Variants in COP1 observed in about 807,000 individuals in gnomAD.
COP1 encodes COP1 E3 ubiquitin ligase, also known as E3 ubiquitin-protein ligase COP1.
COP1 carries 24 observed loss-of-function variants against 101.3 expected under a neutral mutation model. The ratio of observed to expected loss-of-function variants is 0.24; its 90% CI spans 0.17 to 0.33. COP1 has a LOEUF of 0.33. Ranked by LOEUF, COP1 falls within the 10% of genes least tolerant of loss-of-function variation. The pLI, the probability that COP1 is intolerant of heterozygous loss-of-function variation, is 1.00. For synonymous variants in COP1, 347 were observed against 341.9 expected (o/e 1.01, Z -0.17); for missense variants, 663 against 906.2 (o/e 0.73, Z 3.45).
chr1:175,986,148 T>C (rs1388681507), intron 18 of COP1, among the ~76,000 whole-genome samples: 2 of 152,050 alleles, frequency 1.3e-5, no homozygotes, highest in African/African-American at 4.8e-5. Context: ...GCCTCCCGAG[T>C]AGCTGGGACT....
intron 11 of COP1, among the ~76,000 whole-genome samples, chr1:176,071,794 C>A (rs527869151): frequency 2.2e-4 from 33 of 152,244 alleles, no homozygotes; most frequent in South Asian, 4.1e-4. Context: ...TGGTTTGTGA[C>A]AAACCTTCAC....
At chr1:176,041,200 T>C (rs759048976) in intron 14 of COP1, among the ~76,000 whole-genome samples, 6 of 152,154 alleles carry the variant, frequency 3.9e-5, no homozygotes, top group Non-Finnish European at 7.4e-5. Context: ...TATATCTATC[T>C]AAAGGACTTG....
At chr1:176,199,312 C>T (rs1026093404) in intron 1 of COP1, among the ~76,000 whole-genome samples, 11 of 151,938 alleles carry the variant, frequency 7.2e-5, no homozygotes, top group African/African-American at 2.2e-4. Flanking sequence ...ATGAGACTCC[C>T]ATCTCAAAAA....
chr1:175,990,906 A>ATT (rs58801318), intron 15 of COP1, among the ~76,000 whole-genome samples: 22 of 146,066 alleles, frequency 1.5e-4, no homozygotes, highest in Admixed American at 3.4e-4. Context: ...CTGGATTCTA[A>ATT]TTTTTTTTTT....
At position 175,992,106 on chromosome 1, in the gene COP1, G is replaced by A. The variant is rs866011996; in HGVS notation, c.1730-2627C>T. The stretch of plus-strand genomic sequence containing the variant: ...TAATTTTTTTTGAGTATTATAGTTG[G>A]TATATACACTTATGTGGAATATGAG... On this transcript the variant is annotated intron_variant, in intron 15 of 19. Coordinates refer to ENST00000367669, the MANE Select transcript of COP1 (RefSeq NM_022457.7). Among the ~76,000 whole-genome samples the A allele has an allele frequency of 2.0e-5, 3 of 152,220 alleles. 1 individual carries two copies. In the Middle Eastern group the frequency reaches 0.01, roughly 521 times the overall value.
chr1:176,160,021 CAG>C, intron 5 of COP1, among the ~76,000 whole-genome samples: 1 of 152,172 alleles, frequency 6.6e-6, no homozygotes, highest in South Asian at 2.1e-4. Context: ...AAAAGTAAAA[CAG>C]AAAGCAATAA....
intron 8 of COP1, among the ~76,000 whole-genome samples, chr1:176,133,195 T>TACAC (rs1689206892): frequency 1.5e-5 from 2 of 130,426 alleles, no homozygotes; most frequent in Non-Finnish European, 3.6e-5. Flanking sequence ...TACGTACGTA[T>TACAC]ATGTACGTAT....
intron 8 of COP1, among the ~76,000 whole-genome samples, chr1:176,133,361 T>C (rs1320427694): frequency 7.9e-5 from 12 of 151,932 alleles, no homozygotes; most frequent in Non-Finnish European, 1.5e-5. Context: ...TGATCTGCAA[T>C]GCCAATATCA....
At chr1:176,008,244 G>C (rs1021920378) in intron 15 of COP1, among the ~76,000 whole-genome samples, 1 of 152,152 alleles carries the variant, frequency 6.6e-6, no homozygotes, top group African/African-American at 2.4e-5. Flanking sequence ...CCCACTGTCT[G>C]GCACTTCCTA....
In COP1 at chr1:175,982,399, T is replaced by G. The variant is rs547685709; in HGVS notation, c.2133+4544A>C. On this transcript the variant is annotated intron_variant, in intron 18 of 19. Transcript: ENST00000367669. Reference sequence around the variant, plus strand: ...GCAAATTTTCTTCCTCTTCTACCACTCCAGAGAAAGACCAACCCCACTTCT... The same window carrying G: ...GCAAATTTTCTTCCTCTTCTACCACGCCAGAGAAAGACCAACCCCACTTCT... 8.9e-4 allele frequency: 408 copies of G among 456,538 alleles called. 3 individuals carry two copies. Among genetic ancestry groups the G allele is most frequent in the African/African-American group, 7.4e-3 (369 of 50,172 alleles). The allele number at this position is 456,538 out of a possible 1,614,324, so 28.3% of individuals were successfully genotyped here.
intron 8 of COP1, among the ~76,000 whole-genome samples, chr1:176,131,519 A>G (rs993549836): frequency 2.0e-5 from 3 of 151,896 alleles, no homozygotes; most frequent in Non-Finnish European, 4.4e-5. Context: ...TCATTATAGA[A>G]AACTAACAAA....
At chr1:176,062,770 A>AAACG (rs1235876286) in intron 11 of COP1, among the ~76,000 whole-genome samples, 1 of 16,676 alleles carries the variant, frequency 6.0e-5, no homozygotes, top group African/African-American at 7.4e-5. Flanking sequence ...ACAATTATTC[A>AAACG]AATGAATAAA....
intron 10 of COP1, among the ~76,000 whole-genome samples, chr1:176,081,545 A>G (rs1679154468): frequency 6.6e-6 from 1 of 151,848 alleles, no homozygotes; most frequent in Admixed American, 6.6e-5. Flanking sequence ...AAAAAAAATA[A>G]TAACAATAAT....
At chr1:176,080,945 T>C (rs1454454285) in intron 11 of COP1, among the ~76,000 whole-genome samples, 1 of 152,120 alleles carries the variant, frequency 6.6e-6, no homozygotes, top group East Asian at 1.9e-4. Context: ...TACAACCTTA[T>C]GAGAAGGATA....
At chr1:176,085,980 A>C in intron 9 of COP1, 90 bp from the exon 10 acceptor site, 1 of 612,870 alleles carries the variant, frequency 1.6e-6, no homozygotes, top group Non-Finnish European at 2.9e-6. Flanking sequence ...TTACCCTCAG[A>C]AGTTCATCAC....
At chr1:176,129,879 T>TA (rs1305212836) in intron 8 of COP1, among the ~76,000 whole-genome samples, 2 of 151,852 alleles carry the variant, frequency 1.3e-5, no homozygotes, top group African/African-American at 4.8e-5. Context: ...TAACGAATAG[T>TA]ATGCTAACGT....
chr1:175,947,382 T>TC (rs1649313324), intron 18 of COP1, 143 bp from the exon 19 acceptor site: 15 of 659,388 alleles, frequency 2.3e-5, no homozygotes, highest in Non-Finnish European at 3.2e-5. Flanking sequence ...TTTTTTTTTT[T>TC]TTTTTTGAGA....
chr1:176,034,414 A>T (rs1669140272), intron 14 of COP1, among the ~76,000 whole-genome samples: 1 of 152,198 alleles, frequency 6.6e-6, no homozygotes, highest in African/African-American at 2.4e-5. Flanking sequence ...TGTGTATATA[A>T]AAAGGAGCAT....
chr1:175,995,826 G>C (rs900789421), intron 15 of COP1, among the ~76,000 whole-genome samples: 1 of 152,174 alleles, frequency 6.6e-6, no homozygotes, highest in Non-Finnish European at 1.5e-5. Context: ...GTACAAGGAG[G>C]AACTGGTATC....
Sources: gnomAD v4.1 joint callset for allele counts (sites outside exome capture counted in the v4.1 genomes callset) on GRCh38, gnomAD v4.1.1 for gene constraint, MANE v1.5 for transcripts, NCBI Gene and HGNC (gene_info 2026-07-23, HGNC 2026-07-21) for gene names.